The following ICA1L variants were observed in gnomAD, a reference collection of about 807,000 sequenced individuals.
The protein encoded by ICA1L is islet cell autoantigen 1-like protein.
Under a neutral mutation model 61.3 loss-of-function variants are expected in ICA1L, and 50 were observed. The observed-to-expected ratio is 0.82, with a 90% CI of 0.65 to 1.03. The LOEUF (loss-of-function observed/expected upper bound fraction) is 1.03. Ranked by LOEUF, ICA1L falls within the 50% of genes least tolerant of loss-of-function variation. The pLI is 0.00. For missense variants in ICA1L, 508 were observed against 556.7 expected (o/e 0.91, Z 0.88); for synonymous variants, 161 against 191.3 (o/e 0.84, Z 1.31).
At chr2:202,826,590 A>G (rs1298028474) in intron 2 of ICA1L, among the ~76,000 whole-genome samples, 1 of 151,938 alleles carries the variant, frequency 6.6e-6, no homozygotes, top group Middle Eastern at 3.2e-3. Context: ...TTCTGGCTCA[A>G]CCTCCTGAGT....
intron 8 of ICA1L, 33 bp downstream of exon 8, chr2:202,814,669 A>G (rs1474103250): frequency 1.4e-6 from 2 of 1,441,410 alleles, no homozygotes; most frequent in Middle Eastern, 1.8e-4. Context: ...CAGGACTTCT[A>G]TAACATGACA....
chr2:202,858,646 G>T (rs914369283), intron 1 of ICA1L, among the ~76,000 whole-genome samples: 5 of 152,118 alleles, frequency 3.3e-5, no homozygotes, highest in Non-Finnish European at 5.9e-5. Context: ...AGTTAAAAAA[G>T]AAACCTGTTT....
Position 202,817,441 on chromosome 2 carries a change from A to G in ICA1L, c.661T>C (p.Ser221Pro). 2 of 1,609,224 alleles carry G rather than the reference A, an allele frequency of 1.2e-6. No homozygotes were observed. The highest frequency in any genetic ancestry group is 1.7e-6 in the Non-Finnish European group (2 of 1,177,174). Residue 221 changes from serine to proline, a missense_variant, in exon 6 of 13, where the codon TCT becomes CCT. By Grantham distance (74) the Ser-to-Pro change is moderately conservative. Transcript: ENST00000358299. Reference sequence around the variant, plus strand: ...ACCTGGTAGGTAGTGAGCGAATGAGATAGCATATTGCAGCGACTAGCTCCA... The same window carrying G: ...ACCTGGTAGGTAGTGAGCGAATGAGGTAGCATATTGCAGCGACTAGCTCCA... ...LLGASRCNML[S>P]HSLTTYQRTL...
intron 1 of ICA1L, among the ~76,000 whole-genome samples, chr2:202,835,244 A>T: frequency 8.3e-6 from 1 of 120,946 alleles, no homozygotes; most frequent in Non-Finnish European, 1.6e-5. Context: ...TTTTTGACAG[A>T]GTCTTGCTCT....
intron 1 of ICA1L, 45 bp from the exon 2 acceptor site, chr2:202,829,061 A>G (rs763054318): frequency 4.0e-6 from 6 of 1,485,436 alleles, no homozygotes; most frequent in Middle Eastern, 3.6e-4. Flanking sequence ...AAAATTCTCA[A>G]TAATAGGCTG....
In ICA1L at chr2:202,774,335, G is replaced by A. The variant is rs1692150298; in HGVS notation, c.*5198C>T. 2 of 1,416,098 alleles carry A rather than the reference G, an allele frequency of 1.4e-6. No homozygotes were observed. The highest frequency in any genetic ancestry group is 9.1e-7 in the Non-Finnish European group (1 of 1,094,364). 87.7% of individuals were successfully genotyped at this position (1,416,098 alleles called of 1,614,324 possible). On this transcript the variant is annotated 3_prime_UTR_variant, in exon 13 of 13. Transcript: ENST00000358299. ...CGCGCGCGTTCCCCGCAGCGCTGAG[G>A]CGAGCCTGCCGCGCGCTCCGCTCAG...
At chr2:202,813,380 T>C (rs1693434671) in intron 8 of ICA1L, among the ~76,000 whole-genome samples, 1 of 152,190 alleles carries the variant, frequency 6.6e-6, no homozygotes, top group African/African-American at 2.4e-5. Context: ...GATTTCCTCA[T>C]AGAGAAGATG....
At chr2:202,791,853 A>C (rs938221902) in intron 10 of ICA1L, among the ~76,000 whole-genome samples, 1 of 151,430 alleles carries the variant, frequency 6.6e-6, no homozygotes, top group Non-Finnish European at 1.5e-5. Flanking sequence ...TCTCAAAAAA[A>C]CAAAAGCACT....
chr2:202,780,905 A>C (rs2105813931), intron 12 of ICA1L, among the ~76,000 whole-genome samples: 1 of 152,292 alleles, frequency 6.6e-6, no homozygotes, highest in East Asian at 1.9e-4. Context: ...GTAAAGTAGT[A>C]ACCATATGAT....
rs1181486937 is a variant in ICA1L, at chr2:202,871,605, C to T, written c.-8+14G>A. On this transcript the variant is annotated intron_variant, in intron 1 of 12. Transcript: ENST00000358299. Reference sequence around the variant, plus strand: ...AGGGGGAATAGGGGCGGACAGGAGGCAGCAGAAGCTTACCGGCGCCGCTCT... The same window carrying T: ...AGGGGGAATAGGGGCGGACAGGAGGTAGCAGAAGCTTACCGGCGCCGCTCT... 1 of 152,162 alleles carries T rather than the reference C, an allele frequency of 6.6e-6. No homozygotes were observed. Among genetic ancestry groups the T allele is most frequent in the Non-Finnish European group, 1.5e-5 (1 of 68,038 alleles). 9.4% of individuals were successfully genotyped at this position (152,162 alleles called of 1,614,324 possible). A position where few individuals can be genotyped will look rare whatever the true frequency, so the allele number is the denominator to read the frequency against.
intron 9 of ICA1L, among the ~76,000 whole-genome samples, chr2:202,801,994 A>G (rs1693098121): frequency 6.6e-6 from 1 of 152,230 alleles, no homozygotes; most frequent in Non-Finnish European, 1.5e-5. Context: ...ACAAGCTACC[A>G]CAAGAATGCT....
intron 1 of ICA1L, among the ~76,000 whole-genome samples, chr2:202,846,764 T>C (rs147488689): frequency 6.6e-6 from 1 of 152,370 alleles, no homozygotes; most frequent in East Asian, 1.9e-4. Context: ...CATTGTTAAA[T>C]ATATATTAAG....
rs1692283772 is a variant in ICA1L at position 202,778,149 on chromosome 2, G to T, written c.*1384C>A. Reference sequence around the variant, plus strand: ...CCTGCCTCAGCCTCCCAAAGTGCTGGGATTACAAGCGTGAGCCACCGCACC... The same window carrying T: ...CCTGCCTCAGCCTCCCAAAGTGCTGTGATTACAAGCGTGAGCCACCGCACC... On this transcript the variant is annotated 3_prime_UTR_variant, in exon 13 of 13. Coordinates refer to ENST00000358299, the MANE Select transcript of ICA1L (RefSeq NM_001288622.3). 6.6e-6 allele frequency: 1 copy of T among 152,072 alleles called. No individual in the cohort carries two copies. Among genetic ancestry groups the T allele is most frequent in the South Asian group, 2.1e-4 (1 of 4,824 alleles). The allele number at this position is 152,072 out of a possible 1,614,324, so 9.4% of individuals were successfully genotyped here.
intron 1 of ICA1L, among the ~76,000 whole-genome samples, chr2:202,854,221 A>T: frequency 6.6e-6 from 1 of 152,184 alleles, no homozygotes; most frequent in East Asian, 1.9e-4. Context: ...AAAGAAAAAA[A>T]AAAAAGCAGG....
chr2:202,817,544 C>G lies in ICA1L; in HGVS notation c.559-1G>C. The G allele has an allele frequency of 6.3e-7, 1 of 1,594,656 alleles. No homozygotes were observed. Among genetic ancestry groups the G allele is most frequent in the South Asian group, 1.1e-5 (1 of 88,674 alleles). On this transcript the variant is annotated splice_acceptor_variant, in intron 5 of 12. Coordinates refer to ENST00000358299, the MANE Select transcript of ICA1L (RefSeq NM_001288622.3). LOFTEE classifies it high-confidence loss of function. ...TGCTATTTCTCACTTGCATCTGTAC[C>G]TGCAATAAAAATGCTAATTTTTATT...
At chr2:202,855,849 G>A (rs191671296) in intron 1 of ICA1L, among the ~76,000 whole-genome samples, 77 of 152,220 alleles carry the variant, frequency 5.1e-4, no homozygotes, top group African/African-American at 1.8e-3. Context: ...GCCAAGGCGG[G>A]CAGATCACAA....
intron 1 of ICA1L, among the ~76,000 whole-genome samples, chr2:202,839,331 T>C (rs974754556): frequency 6.6e-6 from 1 of 151,888 alleles, no homozygotes; most frequent in African/African-American, 2.4e-5. Flanking sequence ...AAACCCCGTC[T>C]CTACTAAAAA....
At chr2:202,846,573 T>C (rs1694469601) in intron 1 of ICA1L, among the ~76,000 whole-genome samples, 1 of 152,024 alleles carries the variant, frequency 6.6e-6, no homozygotes, top group Non-Finnish European at 1.5e-5. Context: ...TCAAGGCAGG[T>C]CAAAGGAGGG....
chr2:202,845,688 T>C (rs1694446788), intron 1 of ICA1L, among the ~76,000 whole-genome samples: 1 of 152,060 alleles, frequency 6.6e-6, no homozygotes, highest in South Asian at 2.1e-4. Context: ...AATTTTCAGC[T>C]GTGTCCTGGA....
Sources: allele counts gnomAD v4.1 joint callset (sites outside exome capture counted in the v4.1 genomes callset), GRCh38; gene constraint gnomAD v4.1.1; transcripts MANE v1.5; gene names NCBI Gene and HGNC (gene_info 2026-07-23, HGNC 2026-07-21).